The following JAZF1 variants were observed in gnomAD, a reference collection of about 807,000 sequenced individuals.
JAZF1 encodes juxtaposed with another zinc finger protein 1.
In JAZF1, 8 loss-of-function variants were observed where a neutral mutation model predicts 26.4. The observed-to-expected ratio is 0.30, with a 90% CI of 0.18 to 0.55. The LOEUF (loss-of-function observed/expected upper bound fraction) is 0.55. Among genes scored for constraint, JAZF1 ranks in the 20% least tolerant of loss-of-function variants. The probability of loss-of-function intolerance (pLI) is 0.94; values close to 1 mark genes in which losing one functional copy is unlikely to be tolerated. For synonymous variants in JAZF1, 126 were observed against 122.3 expected, an observed-to-expected ratio of 1.03 and a Z score of -0.20; for missense variants, 199 against 322.0, an observed-to-expected ratio of 0.62 and a Z score of 2.92.
In JAZF1 at chr7:28,151,740, G is replaced by A. The variant is rs1006666310; in HGVS notation, c.115+28723C>T. The stretch of plus-strand genomic sequence containing the variant: ...CGGGAGGCGGAGGTTGCAGTGAGCC[G>A]AGATCATGCCATTGCACTCCAGCCT... On this transcript the variant is annotated intron_variant, in intron 1 of 4. Transcript: ENST00000283928. Among the ~76,000 whole-genome samples, 19 of 151,812 alleles carry A rather than the reference G, an allele frequency of 1.3e-4. 1 individual carries two copies. Among genetic ancestry groups the A allele is most frequent in the East Asian group, 3.9e-4 (2 of 5,122 alleles).
chr7:28,135,170 C>G (rs1240203852), intron 1 of JAZF1, among the ~76,000 whole-genome samples: 1 of 152,172 alleles, frequency 6.6e-6, no homozygotes, highest in Non-Finnish European at 1.5e-5. Context: ...ATTGCATACA[C>G]ACAGACACAG....
intron 1 of JAZF1, among the ~76,000 whole-genome samples, chr7:28,017,372 A>G (rs1293437398): frequency 6.7e-6 from 1 of 150,308 alleles, no homozygotes; most frequent in African/African-American, 2.4e-5. Context: ...AAAAAAAGCC[A>G]TTATTTAACT....
At chr7:28,035,440 GA>G (rs1371230016) in intron 1 of JAZF1, among the ~76,000 whole-genome samples, 1 of 149,060 alleles carries the variant, frequency 6.7e-6, no homozygotes, top group African/African-American at 2.5e-5. Flanking sequence ...AAAAGAATGA[GA>G]AACTTAAGAA....
intron 2 of JAZF1, 30 bp from the exon 3 acceptor site, chr7:27,895,446 G>C: frequency 6.5e-7 from 1 of 1,534,794 alleles, no homozygotes; most frequent in South Asian, 1.2e-5. Context: ...TAAGGAACCT[G>C]GGCCATGTAT....
At chr7:28,008,610 G>C (rs1782744142) in intron 1 of JAZF1, among the ~76,000 whole-genome samples, 1 of 152,206 alleles carries the variant, frequency 6.6e-6, no homozygotes, top group Admixed American at 6.5e-5. Flanking sequence ...TCTGGGAAGA[G>C]AAGGCTTAAA....
At chr7:28,010,657 G>T (rs1366196945) in intron 1 of JAZF1, among the ~76,000 whole-genome samples, 1 of 152,128 alleles carries the variant, frequency 6.6e-6, no homozygotes, top group Non-Finnish European at 1.5e-5. Context: ...TAATAGTCAG[G>T]TATATTAAAA....
chr7:27,850,408 T>C (rs573103379), intron 3 of JAZF1, among the ~76,000 whole-genome samples: 9 of 152,222 alleles, frequency 5.9e-5, no homozygotes, highest in Admixed American at 5.9e-4. Flanking sequence ...AACTATGGAA[T>C]TGGTTCTGGT....
At chr7:28,001,527 T>C (rs1786162156) in intron 1 of JAZF1, among the ~76,000 whole-genome samples, 1 of 152,180 alleles carries the variant, frequency 6.6e-6, no homozygotes, top group Non-Finnish European at 1.5e-5. Context: ...ACATAAGCCT[T>C]GAACTAAATC....
At chr7:28,148,932 G>A (rs966979130) in intron 1 of JAZF1, among the ~76,000 whole-genome samples, 1 of 152,240 alleles carries the variant, frequency 6.6e-6, no homozygotes, top group African/African-American at 2.4e-5. Flanking sequence ...CAGCTGAGGA[G>A]TCCTTAAGGA....
At chr7:27,885,789 T>C (rs1783850542) in intron 3 of JAZF1, among the ~76,000 whole-genome samples, 1 of 152,178 alleles carries the variant, frequency 6.6e-6, no homozygotes, top group Admixed American at 6.5e-5. Context: ...AGAGCAGTCA[T>C]TAGCAAATAC....
chr7:28,131,954 G>A (rs995047573), intron 1 of JAZF1, among the ~76,000 whole-genome samples: 2 of 151,924 alleles, frequency 1.3e-5, no homozygotes, highest in African/African-American at 2.4e-5. Context: ...CAATCTCTCT[G>A]GAATATATGG....
chr7:28,067,576 A>G (rs1783904460), intron 1 of JAZF1, among the ~76,000 whole-genome samples: 1 of 152,148 alleles, frequency 6.6e-6, no homozygotes. Flanking sequence ...AGCTCTGGAG[A>G]ACCAATGATG....
At chr7:27,842,826 T>C (rs1239416654) in intron 3 of JAZF1, 1 of 152,168 alleles carries the variant, frequency 6.6e-6, no homozygotes, top group African/African-American at 2.4e-5. Context: ...TTAGAAAGAC[T>C]AATTTATCCA....
intron 1 of JAZF1, among the ~76,000 whole-genome samples, chr7:28,015,946 C>A (rs1009011739): frequency 6.6e-6 from 1 of 152,170 alleles, no homozygotes; most frequent in Non-Finnish European, 1.5e-5. Flanking sequence ...ACCACAGGCC[C>A]GGGCATCTCA....
chr7:27,989,460 C>T (rs1785847261), intron 2 of JAZF1, among the ~76,000 whole-genome samples: 1 of 152,114 alleles, frequency 6.6e-6, no homozygotes, highest in Non-Finnish European at 1.5e-5. Flanking sequence ...AGAGCTTCTG[C>T]ACAGCAAAAG....
At chr7:28,084,049 A>C (rs1784177642) in intron 1 of JAZF1, among the ~76,000 whole-genome samples, 1 of 152,140 alleles carries the variant, frequency 6.6e-6, no homozygotes, top group Admixed American at 6.5e-5. Context: ...TATTTTGATA[A>C]ATATTTCAGG....
chr7:28,108,852 C>T (rs1306834344), intron 1 of JAZF1, among the ~76,000 whole-genome samples: 3 of 152,054 alleles, frequency 2.0e-5, no homozygotes, highest in Non-Finnish European at 4.4e-5. Context: ...TATTCATACA[C>T]AATGGAAATT....
At chr7:28,053,189 T>C (rs1028355861) in intron 1 of JAZF1, among the ~76,000 whole-genome samples, 1 of 152,194 alleles carries the variant, frequency 6.6e-6, no homozygotes, top group South Asian at 2.1e-4. Context: ...CCACTGTAAT[T>C]ACACACCACA....
At chr7:28,144,748 G>A (rs2127946495) in intron 1 of JAZF1, among the ~76,000 whole-genome samples, 1 of 152,254 alleles carries the variant, frequency 6.6e-6, no homozygotes, top group South Asian at 2.1e-4. Flanking sequence ...TATTATACAT[G>A]AGACTCCAAA....
Sources: gnomAD v4.1 joint callset for allele counts (sites outside exome capture counted in the v4.1 genomes callset) on GRCh38, gnomAD v4.1.1 for gene constraint, MANE v1.5 for transcripts, NCBI Gene and HGNC (gene_info 2026-07-23, HGNC 2026-07-21) for gene names.